Variants in AKNA observed in about 807,000 individuals in gnomAD.
The protein encoded by AKNA is AT-hook transcription factor.
A neutral mutation model predicts 138.8 loss-of-function variants in AKNA; 67 were observed. The observed-to-expected ratio is 0.48, with a 90% confidence interval of 0.40 to 0.59. The LOEUF (loss-of-function observed/expected upper bound fraction) is 0.59, where lower values mean the gene tolerates loss of function less well. AKNA is among the 20% of genes least tolerant of loss of function. The pLI, the probability that AKNA is intolerant of heterozygous loss-of-function variation, is 0.00. For synonymous variants in AKNA, 737 were observed against 754.4 expected (o/e 0.98, Z 0.38); for missense variants, 1,813 against 1,880.4 (o/e 0.96, Z 0.66).
At chr9:114,332,413 C>T (rs968349006), downstream of AKNA, among the ~76,000 whole-genome samples, 5 of 152,142 alleles carry the variant, frequency 3.3e-5, no homozygotes, top group African/African-American at 4.8e-5. Context: ...AGCTCCTTAA[C>T]ACTTTTCTTT....
At chr9:114,377,857 C>G (rs938111636) in intron 2 of AKNA, among the ~76,000 whole-genome samples, 1 of 152,210 alleles carries the variant, frequency 6.6e-6, no homozygotes, top group Non-Finnish European at 1.5e-5. Flanking sequence ...CCTCTAACCC[C>G]CTGAATCCAT....
At chr9:114,373,618 G>A (rs1325625557) in intron 4 of AKNA, among the ~76,000 whole-genome samples, 5 of 151,968 alleles carry the variant, frequency 3.3e-5, no homozygotes, top group Non-Finnish European at 7.4e-5. Context: ...GCTCAGGCCT[G>A]TAATCCCAGC....
intron 1 of AKNA, among the ~76,000 whole-genome samples, chr9:114,384,371 G>A (rs1438908060): frequency 6.6e-6 from 1 of 152,156 alleles, no homozygotes; most frequent in Non-Finnish European, 1.5e-5. Flanking sequence ...AGGAGTTTGA[G>A]ACCAGCTTGG....
In AKNA at chr9:114,355,931, C is replaced by T. The variant is rs756152244; in HGVS notation, c.3052G>A (p.Glu1018Lys). ...GTCAGACTCCTGCACTCACCCATCTCGGCTGCCAGTGTCCGCTCCAGGCTG... is the reference window on the plus strand; with the variant it reads ...GTCAGACTCCTGCACTCACCCATCTTGGCTGCCAGTGTCCGCTCCAGGCTG... ...NFSLERTLAA[E>K]MAVPGSEFEG... The change falls in exon 14 of 22, where the codon GAG (glutamate) becomes AAG (lysine). Residue 1018 changes from glutamate (E) to lysine (K), a missense_variant. Transcript: ENST00000374088. The T allele has an allele frequency of 5.6e-6, 9 of 1,614,074 alleles. No homozygotes were observed. Among genetic ancestry groups the T allele is most frequent in the Middle Eastern group, 1.6e-4 (1 of 6,084 alleles).
At chr9:114,367,144 GATTT>G (rs1832422961) in intron 6 of AKNA, among the ~76,000 whole-genome samples, 1 of 152,134 alleles carries the variant, frequency 6.6e-6, no homozygotes, top group South Asian at 2.1e-4. Context: ...ACTAGGAATT[GATTT>G]ATTTAATAAA....
At chr9:114,341,155 A>G (rs942961700) in intron 21 of AKNA, among the ~76,000 whole-genome samples, 1 of 152,210 alleles carries the variant, frequency 6.6e-6, no homozygotes, top group Non-Finnish European at 1.5e-5. Flanking sequence ...GTCCTAAAAA[A>G]TAAAGTCTAT....
chr9:114,369,058 A>G (rs1439785899), intron 4 of AKNA, among the ~76,000 whole-genome samples: 1 of 152,250 alleles, frequency 6.6e-6, no homozygotes, highest in Non-Finnish European at 1.5e-5. Flanking sequence ...AATAATTATT[A>G]TACTGATAAT....
chr9:114,330,896 G>A (rs760395032), downstream of AKNA: 28 of 1,581,468 alleles, frequency 1.8e-5, 1 homozygote, highest in East Asian at 3.4e-4. Flanking sequence ...AGGGTTCACC[G>A]TGGGAACAGG....
Position 114,367,699 on chromosome 9 carries a change from T to A in AKNA, c.1574-2A>T. 1.3e-6 allele frequency: 2 copies of A among 1,557,050 alleles called. No individual in the cohort carries two copies. Among genetic ancestry groups the A allele is most frequent in the Non-Finnish European group, 1.7e-6 (2 of 1,144,872 alleles). On this transcript the variant is annotated splice_acceptor_variant, in intron 5 of 21. Coordinates refer to ENST00000374088, the MANE Select transcript of AKNA (RefSeq NM_001317950.2). LOFTEE classifies it high-confidence loss of function. ...AGTCTCCTCGAGCTGATGGCCACCC[T>A]GGAATACACAACTGCTGAAAGCTGG... is the stretch of plus-strand genomic sequence containing the variant.
At chr9:114,344,474 G>C (rs1830553729) in intron 18 of AKNA, 1 of 152,752 alleles carries the variant, frequency 6.5e-6, no homozygotes, top group South Asian at 2.1e-4. Flanking sequence ...TTCAAATAAG[G>C]CCTTCTGGGT....
rs200745163 is a variant in AKNA, at chr9:114,376,906, T to C, written c.901A>G (p.Lys301Glu). ...QPKEHIWKQTKTSPKPLPSRF... is the reference protein window; with the variant it reads ...QPKEHIWKQTETSPKPLPSRF... ...GAAGGGAGTGGCTTAGGTGACGTCTTTGTCTGCTTCCAGATGTGTTCCTTG... is the reference window on the plus strand; with the variant it reads ...GAAGGGAGTGGCTTAGGTGACGTCTCTGTCTGCTTCCAGATGTGTTCCTTG... The change falls in exon 3 of 22, where the codon AAG becomes GAG. Residue 301 changes from lysine (K) to glutamate (E), a missense_variant. Transcript: ENST00000374088. The C allele has an allele frequency of 1.7e-4, 270 of 1,614,184 alleles. 1 individual carries two copies. In the Admixed American group the frequency reaches 4.2e-3, roughly 25 times the overall value.
At chr9:114,375,890 G>C (rs1315986089) in intron 3 of AKNA, 5 of 441,628 alleles carry the variant, frequency 1.1e-5, no homozygotes, top group Admixed American at 2.4e-5. Flanking sequence ...TGTATCTCAG[G>C]GCTCCAGGTA....
chr9:114,364,525 G>A (rs1490441486), intron 7 of AKNA, 35 bp downstream of exon 7: 1 of 1,609,010 alleles, frequency 6.2e-7, no homozygotes, highest in Non-Finnish European at 8.5e-7. Context: ...TGGTTGTCTG[G>A]CAGTTCCATG....
rs1382930129 is a variant in AKNA at position 114,366,696 on chromosome 9, G to A, written c.1728+847C>T. ...GATGGGAGGGGAGGGAAGAGGAGAG[G>A]AGGGGAGGGGAGGAGAGAAGAGAAG... On this transcript the variant is annotated intron_variant, in intron 6 of 21. Transcript: ENST00000374088. 1.3e-5 allele frequency among the ~76,000 whole-genome samples: 2 copies of A among 149,280 alleles called. 1 individual carries two copies. The highest frequency in any genetic ancestry group is 4.1e-4 in the East Asian group (2 of 4,938).
chr9:114,370,980 T>C (rs1255342422), intron 4 of AKNA, among the ~76,000 whole-genome samples: 1 of 152,150 alleles, frequency 6.6e-6, no homozygotes, highest in Non-Finnish European at 1.5e-5. Flanking sequence ...CCTCAGCTCT[T>C]CCAGATCCCT....
At position 114,376,938 on chromosome 9, in the gene AKNA, G is replaced by A. The variant is rs1833268934; in HGVS notation, c.869C>T (p.Pro290Leu). 6.2e-7 allele frequency: 1 copy of A among 1,614,250 alleles called. No homozygotes were observed. The highest frequency in any genetic ancestry group is 8.5e-7 in the Non-Finnish European group (1 of 1,180,038). Reference protein sequence around the residue: ...WRRETTRFFCPQPKEHIWKQT... With the variant: ...WRRETTRFFCLQPKEHIWKQT... ...CTTCCAGATGTGTTCCTTGGGCTGA[G>A]GGCAGAAGAATCTGGTCGTTTCTCT... The change falls in exon 3 of 22, where the codon CCT becomes CTT. Residue 290 changes from proline to leucine, a missense_variant. Transcript: ENST00000374088.
At chr9:114,331,927 A>C (rs149574658), downstream of AKNA, 175 of 1,613,402 alleles carry the variant, frequency 1.1e-4, no homozygotes, top group Non-Finnish European at 1.3e-4. Context: ...CGACTGGAAA[A>C]AGGTAAACGC....
chr9:114,366,279 C>CA (rs35834810), intron 6 of AKNA, among the ~76,000 whole-genome samples: 66,561 of 127,486 alleles, frequency 0.52, 16,051 homozygotes, highest in Middle Eastern at 0.66. Context: ...GACTCTGTCT[C>CA]AAAAAAAAAA....
At chr9:114,378,613 T>C (rs1833414627) in intron 2 of AKNA, among the ~76,000 whole-genome samples, 1 of 152,070 alleles carries the variant, frequency 6.6e-6, no homozygotes, top group South Asian at 2.1e-4. Context: ...AGATAAGGTA[T>C]ATAAAGCCCC....
Sources: allele counts gnomAD v4.1 joint callset (sites outside exome capture counted in the v4.1 genomes callset), GRCh38; gene constraint gnomAD v4.1.1; transcripts MANE v1.5; gene names NCBI Gene and HGNC (gene_info 2026-07-23, HGNC 2026-07-21).